SETD4: variants seen among roughly 807,000 people sequenced by gnomAD.
SETD4 encodes the protein SET domain-containing protein 4.
Under a neutral mutation model 58.3 loss-of-function variants are expected in SETD4, and 46 were observed. The ratio of observed to expected loss-of-function variants is 0.79; its 90% CI spans 0.62 to 1.01. The LOEUF (loss-of-function observed/expected upper bound fraction) is 1.01, where lower values mean the gene tolerates loss of function less well. SETD4 is among the 50% of genes least tolerant of loss of function. The pLI is 0.00. For synonymous variants in SETD4, 190 were observed against 202.6 expected, an observed-to-expected ratio of 0.94 and a Z score of 0.53; for missense variants, 490 against 523.3, an observed-to-expected ratio of 0.94 and a Z score of 0.62.
intron 11 of SETD4, 57 bp from the exon 12 acceptor site, chr21:36,036,017 T>G: frequency 6.9e-7 from 1 of 1,438,918 alleles, no homozygotes; most frequent in East Asian, 2.3e-5. Context: ...TAGACACAAC[T>G]CATCGACTCT....
At chr21:36,049,596 T>C (rs868207596) in intron 4 of SETD4, among the ~76,000 whole-genome samples, 6 of 152,212 alleles carry the variant, frequency 3.9e-5, no homozygotes, top group Middle Eastern at 6.8e-3. Flanking sequence ...TCTTCCGGGA[T>C]CAATTTCTGG....
At chr21:36,059,783 T>C in intron 1 of SETD4, 1 of 985,410 alleles carries the variant, frequency 1.0e-6, no homozygotes, top group Non-Finnish European at 1.2e-6. Context: ...CAGGCAATAT[T>C]AATACCGCAC....
At position 36,034,818 on chromosome 21, in the gene SETD4, A is replaced by G. The variant is rs937140521; in HGVS notation, c.*1175T>C. 1 of 152,176 alleles carries G rather than the reference A, an allele frequency of 6.6e-6. No individual in the cohort carries two copies. The highest frequency in any genetic ancestry group is 2.4e-5 in the African/African-American group (1 of 41,446). 9.4% of individuals were successfully genotyped at this position (152,176 alleles called of 1,614,324 possible). A position where few individuals can be genotyped will look rare whatever the true frequency, so the allele number is the denominator to read the frequency against. ...AAATGGTTACTATCGGGCCCTCCAC[A>G]GAAGTCTGCCCACTCTCCATACAGC... On this transcript the variant is annotated 3_prime_UTR_variant, in exon 12 of 12. Transcript: ENST00000332131.
In SETD4 at chr21:36,050,545, T is replaced by C. The variant is rs2064615410; in HGVS notation, c.208-2149A>G. 2.5e-6 allele frequency: 4 copies of C among 1,613,530 alleles called. No individual in the cohort carries two copies. In the South Asian group the frequency reaches 4.4e-5, roughly 18 times the overall value. ...TTAATGAACCGACTTCAAGCCATCC[T>C]GAACTGCGTTAATAAGTTCTGGACA... is the stretch of plus-strand genomic sequence containing the variant. On this transcript the variant is annotated intron_variant, in intron 4 of 11. Coordinates refer to ENST00000332131, the MANE Select transcript of SETD4 (RefSeq NM_017438.5).
At chr21:36,050,809 A>C in intron 4 of SETD4, 1 of 1,611,444 alleles carries the variant, frequency 6.2e-7, no homozygotes, top group Non-Finnish European at 8.5e-7. Flanking sequence ...TATGTTAAAG[A>C]GTCACATGGA....
chr21:36,056,593 C>CT (rs1187747710), intron 3 of SETD4, among the ~76,000 whole-genome samples: 1 of 152,208 alleles, frequency 6.6e-6, no homozygotes, highest in Non-Finnish European at 1.5e-5. Context: ...AGGTCTCACT[C>CT]TATCGCCCAA....
At chr21:36,047,476 G>C (rs1024284845) in intron 5 of SETD4, among the ~76,000 whole-genome samples, 3 of 152,240 alleles carry the variant, frequency 2.0e-5, no homozygotes, top group East Asian at 3.9e-4. Flanking sequence ...AAGGAAAACT[G>C]AAGTACAATA....
At chr21:36,037,271 T>C (rs1164978160) in intron 10 of SETD4, among the ~76,000 whole-genome samples, 6 of 146,046 alleles carry the variant, frequency 4.1e-5, no homozygotes, top group African/African-American at 1.0e-4. Context: ...TAAAACATCA[T>C]GTAGTCCACT....
intron 5 of SETD4, among the ~76,000 whole-genome samples, chr21:36,046,775 A>G (rs2123639982): frequency 6.6e-6 from 1 of 152,362 alleles, no homozygotes; most frequent in East Asian, 1.9e-4. Flanking sequence ...ATGTATTTAG[A>G]AAGTTTTCAT....
rs960931903 is a variant in SETD4 at position 36,050,181 on chromosome 21, G to A, written c.208-1785C>T. The A allele has an allele frequency of 1.3e-5, 14 of 1,075,102 alleles. No homozygotes were observed. The African/African-American group carries it at 2.0e-4, about 15-fold the overall frequency. The allele number at this position is 1,075,102 out of a possible 1,614,324, so 66.6% of individuals were successfully genotyped here. On this transcript the variant is annotated intron_variant, in intron 4 of 11. Transcript: ENST00000332131. ...AACTGGTAGATGTTACATCCAAGAG[G>A]AAACAATCCAGGCAAGGAAGCACAA...
At chr21:36,058,089 A>C (rs900556987) in intron 2 of SETD4, among the ~76,000 whole-genome samples, 1 of 152,260 alleles carries the variant, frequency 6.6e-6, no homozygotes, top group African/African-American at 2.4e-5. Flanking sequence ...CCAGAAAAAG[A>C]AAGTTGGGAG....
At chr21:36,059,745 G>A (rs1412123635) in intron 1 of SETD4, 4 of 984,444 alleles carry the variant, frequency 4.1e-6, no homozygotes, top group African/African-American at 1.8e-5. Context: ...AACATACGAG[G>A]GCAGAAATGA....
At chr21:36,044,049 G>A in intron 6 of SETD4, 93 bp from the exon 7 acceptor site, 1 of 1,418,578 alleles carries the variant, frequency 7.0e-7, no homozygotes, top group Non-Finnish European at 9.5e-7. Flanking sequence ...TGAGTCAGGT[G>A]CAGCTTTCAA....
At chr21:36,054,002 T>A (rs2064853656) in intron 3 of SETD4, among the ~76,000 whole-genome samples, 1 of 152,086 alleles carries the variant, frequency 6.6e-6, no homozygotes, top group Admixed American at 6.5e-5. Context: ...AGGCCACTTA[T>A]CCCCATTACC....
Position 36,035,515 on chromosome 21 carries a change from T to C in SETD4, c.*478A>G, listed in dbSNP as rs1213265999. 2 of 153,808 alleles carry C rather than the reference T, an allele frequency of 1.3e-5. No homozygotes were observed. The highest frequency in any genetic ancestry group is 2.9e-5 in the Non-Finnish European group (2 of 69,012). 9.5% of individuals were successfully genotyped at this position (153,808 alleles called of 1,614,324 possible). ...ATTCCCTCCTCCTGGAAGCTGTGTG[T>C]CCCCTAGGGGGCTCTTCAACACCCA... On this transcript the variant is annotated 3_prime_UTR_variant, in exon 12 of 12. Coordinates refer to ENST00000332131, the MANE Select transcript of SETD4 (RefSeq NM_017438.5).
At chr21:36,059,075 T>C (rs913869144) in intron 1 of SETD4, 151 bp from the exon 2 acceptor site, 2 of 936,272 alleles carry the variant, frequency 2.1e-6, no homozygotes, top group Non-Finnish European at 1.5e-6. Context: ...AAACTGTTTC[T>C]CTCAAGTGCT....
intron 3 of SETD4, among the ~76,000 whole-genome samples, chr21:36,055,751 G>A (rs572220754): frequency 6.6e-6 from 1 of 152,298 alleles, no homozygotes; most frequent in African/African-American, 2.4e-5. Flanking sequence ...TGGGGCCAGG[G>A]CAAGTTGTGC....
At chr21:36,046,060 C>A in intron 5 of SETD4, 49 bp from the exon 6 acceptor site, 1 of 1,574,394 alleles carries the variant, frequency 6.4e-7, no homozygotes, top group South Asian at 1.2e-5. Flanking sequence ...ATTCAAAATA[C>A]GAAATAAGCC....
intron 4 of SETD4, chr21:36,050,105 T>C: frequency 1.5e-6 from 1 of 665,300 alleles, no homozygotes; most frequent in Non-Finnish European, 2.7e-6. Flanking sequence ...GAAGCCCCTG[T>C]GCTCAGGACT....
Sources: gnomAD v4.1 joint callset for allele counts (sites outside exome capture counted in the v4.1 genomes callset) on GRCh38, gnomAD v4.1.1 for gene constraint, MANE v1.5 for transcripts, NCBI Gene and HGNC (gene_info 2026-07-23, HGNC 2026-07-21) for gene names.